EPHA5: variants seen among roughly 807,000 people sequenced by gnomAD.
EPHA5 encodes the protein ephrin type-A receptor 5.
Under a neutral mutation model 105.0 loss-of-function variants are expected in EPHA5, and 60 were observed. The observed-to-expected ratio is 0.57, with a 90% CI of 0.46 to 0.71. The LOEUF (loss-of-function observed/expected upper bound fraction) is 0.71. EPHA5 is among the 30% of genes least tolerant of loss of function. The pLI, the probability that EPHA5 is intolerant of heterozygous loss-of-function variation, is 0.00. For missense variants in EPHA5, 1,218 were observed against 1,274.7 expected (o/e 0.96, Z 0.68); for synonymous variants, 513 against 449.1 (o/e 1.14, Z -1.80).
At chr4:65,586,611 T>C (rs1742149652) in intron 3 of EPHA5, among the ~76,000 whole-genome samples, 1 of 151,956 alleles carries the variant, frequency 6.6e-6, no homozygotes, top group Admixed American at 6.6e-5. Flanking sequence ...AAAACTAAAA[T>C]GTGGTATATT....
In EPHA5 at chr4:65,440,710, C is replaced by T. The variant is rs188427773; in HGVS notation, c.1403-20145G>A. On this transcript the variant is annotated intron_variant, in intron 5 of 16. Coordinates refer to ENST00000613740, the MANE Select transcript of EPHA5 (RefSeq NM_001281766.3). ...GGCATATGCAAAGCAAGCAGGGGGC[C>T]TTTGAGGAGGAGCGATACCACCTTG... 1.6e-3 allele frequency among the ~76,000 whole-genome samples: 240 copies of T among 152,004 alleles called. 1 individual carries two copies. Among genetic ancestry groups the T allele is most frequent in the Non-Finnish European group, 2.2e-3 (149 of 67,980 alleles).
At chr4:65,646,614 A>G (rs1748133238) in intron 1 of EPHA5, among the ~76,000 whole-genome samples, 1 of 152,180 alleles carries the variant, frequency 6.6e-6, no homozygotes, top group African/African-American at 2.4e-5. Flanking sequence ...AAACCCTGTT[A>G]TATACCTATT....
At chr4:65,337,364 C>A (rs1049247554) in intron 14 of EPHA5, among the ~76,000 whole-genome samples, 1 of 152,056 alleles carries the variant, frequency 6.6e-6, no homozygotes, top group Admixed American at 6.6e-5. Flanking sequence ...AGCATCTCCC[C>A]CTCCTCCCTT....
intron 3 of EPHA5, among the ~76,000 whole-genome samples, chr4:65,549,874 C>A (rs1421155567): frequency 6.6e-6 from 1 of 151,966 alleles, no homozygotes; most frequent in Non-Finnish European, 1.5e-5. Flanking sequence ...AAGTTCCTGT[C>A]CTGCTAAGAT....
chr4:65,587,165 G>A (rs566028733), intron 3 of EPHA5, among the ~76,000 whole-genome samples: 6 of 152,104 alleles, frequency 3.9e-5, no homozygotes, highest in South Asian at 2.1e-4. Context: ...GTGTAATTTC[G>A]GAATTGGTGG....
chr4:65,418,915 C>CTTTTTTTTTTTTTTTTTTTTTT (rs1723668559), intron 6 of EPHA5, among the ~76,000 whole-genome samples: 1 of 59,520 alleles, frequency 1.7e-5, no homozygotes, highest in Non-Finnish European at 3.0e-5. Context: ...CTGAGTTTTG[C>CTTTTTTTTTTTTTTTTTTTTTT]TCTTGTTGCC....
chr4:65,574,163 C>A, intron 3 of EPHA5: 1 of 1,606,676 alleles, frequency 6.2e-7, no homozygotes, highest in Non-Finnish European at 8.5e-7. Flanking sequence ...AGATCTTCGA[C>A]ACAGAAAAAG....
At chr4:65,638,703 C>T (rs1747378533) in intron 2 of EPHA5, among the ~76,000 whole-genome samples, 1 of 152,180 alleles carries the variant, frequency 6.6e-6, no homozygotes, top group Non-Finnish European at 1.5e-5. Context: ...CGTGCCATTG[C>T]ATTCCAGCCT....
chr4:65,413,366 A>T (rs1358900011), intron 7 of EPHA5, among the ~76,000 whole-genome samples: 1 of 152,148 alleles, frequency 6.6e-6, no homozygotes, highest in Non-Finnish European at 1.5e-5. Context: ...TAAATAATTC[A>T]CTTAAATATG....
intron 3 of EPHA5, among the ~76,000 whole-genome samples, chr4:65,593,654 G>T (rs918814139): frequency 3.1e-4 from 47 of 152,184 alleles, no homozygotes; most frequent in Non-Finnish European, 6.6e-4. Flanking sequence ...CACTTTACAG[G>T]TGAAGATTAT....
At chr4:65,340,349 C>A (rs973809749) in intron 14 of EPHA5, among the ~76,000 whole-genome samples, 5 of 152,102 alleles carry the variant, frequency 3.3e-5, no homozygotes, top group African/African-American at 1.2e-4. Context: ...GAAAACACAG[C>A]AAAGCTCCAT....
chr4:65,625,537 TTC>T (rs985304167), intron 2 of EPHA5, among the ~76,000 whole-genome samples: 1 of 152,168 alleles, frequency 6.6e-6, no homozygotes, highest in Non-Finnish European at 1.5e-5. Context: ...TGTTTAATAT[TTC>T]TCTCTCATTT....
intron 5 of EPHA5, among the ~76,000 whole-genome samples, chr4:65,425,536 A>T (rs540455196): frequency 6.6e-6 from 1 of 152,256 alleles, no homozygotes; most frequent in African/African-American, 2.4e-5. Context: ...CTCTGGTGGA[A>T]TCATTTTGTC....
At chr4:65,655,473 A>G (rs1047100924) in intron 1 of EPHA5, among the ~76,000 whole-genome samples, 3 of 152,172 alleles carry the variant, frequency 2.0e-5, no homozygotes, top group Non-Finnish European at 4.4e-5. Flanking sequence ...CCTTGGCTCA[A>G]TGAGGTGAAT....
At chr4:65,443,275 G>A (rs1726189099) in intron 5 of EPHA5, among the ~76,000 whole-genome samples, 1 of 151,636 alleles carries the variant, frequency 6.6e-6, no homozygotes, top group Non-Finnish European at 1.5e-5. Context: ...ATTACATAAA[G>A]CTATCCAAGT....
intron 8 of EPHA5, among the ~76,000 whole-genome samples, chr4:65,370,640 A>C (rs1427213390): frequency 1.3e-5 from 2 of 152,244 alleles, no homozygotes; most frequent in Admixed American, 1.3e-4. Flanking sequence ...AATTACATGA[A>C]ATTTCCTGGT....
At chr4:65,454,216 G>T (rs539353486) in intron 5 of EPHA5, among the ~76,000 whole-genome samples, 64 of 152,146 alleles carry the variant, frequency 4.2e-4, no homozygotes, top group African/African-American at 1.4e-3. Flanking sequence ...GGAGGCGGAG[G>T]TTGCAGTGAG....
At chr4:65,518,212 A>C (rs1734293216) in intron 3 of EPHA5, among the ~76,000 whole-genome samples, 1 of 151,812 alleles carries the variant, frequency 6.6e-6, no homozygotes, top group South Asian at 2.1e-4. Flanking sequence ...AAGGAGAGTA[A>C]ATTCATATTT....
chr4:65,563,635 G>T (rs552257846), intron 3 of EPHA5, among the ~76,000 whole-genome samples: 1 of 152,058 alleles, frequency 6.6e-6, no homozygotes, highest in South Asian at 2.1e-4. Flanking sequence ...ATGTGTAGCA[G>T]AAAGTACCAA....
Sources: allele counts gnomAD v4.1 joint callset (sites outside exome capture counted in the v4.1 genomes callset), GRCh38; gene constraint gnomAD v4.1.1; transcripts MANE v1.5; gene names NCBI Gene and HGNC (gene_info 2026-07-23, HGNC 2026-07-21).